Variants in PKHD1 observed in about 807,000 individuals in gnomAD.
The protein encoded by PKHD1 is fibrocystin.
A neutral mutation model predicts 412.0 loss-of-function variants in PKHD1; 291 were observed. That is an observed-to-expected ratio of 0.71 (90% CI 0.64 to 0.78). The LOEUF is 0.78. PKHD1 is among the 30% of genes least tolerant of loss of function. PKHD1 has a pLI of 0.00. For synonymous variants in PKHD1, 1,777 were observed against 1,821.5 expected, an observed-to-expected ratio of 0.98 and a Z score of 0.62; for missense variants, 4,825 against 4,950.7, an observed-to-expected ratio of 0.97 and a Z score of 0.76.
chr6:51,754,645 C>T (rs999109129), intron 56 of PKHD1, 139 bp downstream of exon 56: 79 of 726,472 alleles, frequency 1.1e-4, no homozygotes, highest in South Asian at 9.9e-4. Flanking sequence ...GATAAGGCCA[C>T]GTAGCATGAG....
At chr6:51,799,140 T>C (rs916223588) in intron 52 of PKHD1, among the ~76,000 whole-genome samples, 2 of 147,160 alleles carry the variant, frequency 1.4e-5, no homozygotes, top group Non-Finnish European at 3.0e-5. Context: ...TAACCCATAA[T>C]AGATGGTCAA....
At chr6:51,682,940 AT>A (rs1582059543) in intron 60 of PKHD1, among the ~76,000 whole-genome samples, 1 of 152,010 alleles carries the variant, frequency 6.6e-6, no homozygotes, top group Non-Finnish European at 1.5e-5. Flanking sequence ...CATAAAAGTT[AT>A]TTGTACTAAT....
chr6:51,662,693 C>T (rs6938460), intron 60 of PKHD1, among the ~76,000 whole-genome samples: 6,892 of 151,524 alleles, frequency 0.045, 211 homozygotes, highest in African/African-American at 0.074. Context: ...TTCCCTAGAC[C>T]GATCAAAATA....
At chr6:51,725,784 A>G (rs566854834) in intron 60 of PKHD1, among the ~76,000 whole-genome samples, 1 of 152,296 alleles carries the variant, frequency 6.6e-6, no homozygotes, top group Admixed American at 6.5e-5. Flanking sequence ...GCCATCACAA[A>G]CTAATATCTC....
At position 51,664,069 on chromosome 6, in the gene PKHD1, T is replaced by C. The variant is rs1398425326; in HGVS notation, c.10157-4100A>G. Among the ~76,000 whole-genome samples, 10 of 152,288 alleles carry C rather than the reference T, an allele frequency of 6.6e-5. No individual in the cohort carries two copies. In the South Asian group the frequency reaches 2.1e-3, roughly 32 times the overall value. ...AATAATAAAAAATGGCCTTTTAAAA[T>C]GTAATTAACATTTTTTTGGAGTAAT... On this transcript the variant is annotated intron_variant, in intron 60 of 66. Transcript: ENST00000371117.
At chr6:52,001,473 A>AGGCTGGAGTACAGT (rs1373957403) in intron 35 of PKHD1, among the ~76,000 whole-genome samples, 1 of 148,752 alleles carries the variant, frequency 6.7e-6, no homozygotes, top group Non-Finnish European at 1.5e-5. Context: ...TTTGTCACCC[A>AGGCTGGAGTACAGT]GGCTGGAGTA....
intron 37 of PKHD1, among the ~76,000 whole-genome samples, chr6:51,929,601 A>C (rs1317199364): frequency 6.6e-6 from 1 of 152,172 alleles, no homozygotes; most frequent in African/African-American, 2.4e-5. Flanking sequence ...ACCATGCTTA[A>C]AGACAGCCTG....
intron 41 of PKHD1, among the ~76,000 whole-genome samples, chr6:51,905,577 G>GA (rs1173626693): frequency 1.3e-5 from 2 of 151,688 alleles, no homozygotes; most frequent in East Asian, 1.9e-4. Flanking sequence ...TGGAGAAAGA[G>GA]AAAAAAAACA....
At chr6:52,014,508 G>A (rs1052927033) in intron 34 of PKHD1, among the ~76,000 whole-genome samples, 1 of 152,108 alleles carries the variant, frequency 6.6e-6, no homozygotes, top group Non-Finnish European at 1.5e-5. Flanking sequence ...ATCATGGATG[G>A]ATGGATGGAT....
Position 51,772,570 on chromosome 6 carries a change from T to G in PKHD1, c.8642+132A>C, listed in dbSNP as rs375567190. On this transcript the variant is annotated intron_variant, in intron 55 of 66. Coordinates refer to ENST00000371117, the MANE Select transcript of PKHD1 (RefSeq NM_138694.4). ...ATTTTTTAAATTCCCTATAATCGCT[T>G]ATTTTTCTACTTGCTCATCCTTTAA... The G allele has an allele frequency of 1.3e-5, 7 of 556,194 alleles. No homozygotes were observed. In the African/African-American group the frequency reaches 1.3e-4, roughly 10 times the overall value. The allele number at this position is 556,194 out of a possible 1,614,324, so 34.5% of individuals were successfully genotyped here.
At chr6:51,911,049 G>A (rs926203171) in intron 39 of PKHD1, among the ~76,000 whole-genome samples, 10 of 151,888 alleles carry the variant, frequency 6.6e-5, no homozygotes, top group Non-Finnish European at 1.2e-4. Context: ...TTAAACTCAC[G>A]ATTGCCACTC....
chr6:52,043,960 A>G (rs1805358064), intron 25 of PKHD1, among the ~76,000 whole-genome samples: 1 of 152,180 alleles, frequency 6.6e-6, no homozygotes. Flanking sequence ...CTGTAATTAA[A>G]TGTGATAAAT....
At chr6:52,078,394 G>A (rs1811607732) in intron 5 of PKHD1, among the ~76,000 whole-genome samples, 1 of 152,188 alleles carries the variant, frequency 6.6e-6, no homozygotes, top group Non-Finnish European at 1.5e-5. Context: ...CAGCAGATTA[G>A]GATGAGAAAG....
chr6:51,664,216 A>G (rs2150445072), intron 60 of PKHD1, among the ~76,000 whole-genome samples: 1 of 152,254 alleles, frequency 6.6e-6, no homozygotes, highest in African/African-American at 2.4e-5. Flanking sequence ...CACCCAAGCC[A>G]TTTCTGCCTC....
At chr6:51,818,812 G>T (rs1262825034) in intron 52 of PKHD1, among the ~76,000 whole-genome samples, 1 of 152,024 alleles carries the variant, frequency 6.6e-6, no homozygotes, top group African/African-American at 2.4e-5. Flanking sequence ...TGCAATGGCT[G>T]GTGCTCCAGC....
chr6:51,777,083 C>T (rs1423972460), intron 53 of PKHD1, among the ~76,000 whole-genome samples: 1 of 152,074 alleles, frequency 6.6e-6, no homozygotes, highest in Non-Finnish European at 1.5e-5. Flanking sequence ...ATAAAAACCA[C>T]CGGCTATCAA....
intron 55 of PKHD1, among the ~76,000 whole-genome samples, chr6:51,767,771 T>A (rs56363832): frequency 2.0e-5 from 3 of 151,962 alleles, no homozygotes; most frequent in Non-Finnish European, 2.9e-5. Context: ...GTGCCGCAAT[T>A]AACATATGTG....
chr6:51,794,047 C>CT lies in PKHD1; in HGVS notation c.8303-2675dup, dbSNP rs58801569. On this transcript the variant is annotated intron_variant, in intron 52 of 66. Coordinates refer to ENST00000371117, the MANE Select transcript of PKHD1 (RefSeq NM_138694.4). ...CTTACCAGCATCTGTTGCTTTTTGA[C>CT]TTTTTTTTTTTTTTTTTTTGAGATG... Among the ~76,000 whole-genome samples, 530 of 124,130 alleles carry CT rather than the reference C, an allele frequency of 4.3e-3. 3 individuals carry two copies. The highest frequency in any genetic ancestry group is 8.2e-3 in the African/African-American group (276 of 33,846). The allele number at this position is 124,130 out of a possible 152,430, so 81.4% of individuals were successfully genotyped here.
rs1554183164 is a variant in PKHD1 at position 51,659,201 on chromosome 6, A to G, written c.10925T>C (p.Met3642Thr). Residue 3642 changes from methionine to threonine, a missense_variant, in exon 61 of 67, where the codon ATG becomes ACG. Physicochemically the swap from Met to Thr is moderately conservative, Grantham distance 81. Coordinates refer to ENST00000371117, the MANE Select transcript of PKHD1 (RefSeq NM_138694.4). ...RRVGQRRPLM[M>T]EMNSHRASPP... ...TGAAGCCCTATGTGAGTTCATTTCC[A>G]TCATGAGAGGCCTACGTTGACCAAC... 1 of 1,613,832 alleles carries G rather than the reference A, an allele frequency of 6.2e-7. No individual in the cohort carries two copies. Among genetic ancestry groups the G allele is most frequent in the Non-Finnish European group, 8.5e-7 (1 of 1,179,870 alleles).
Sources: gnomAD v4.1 joint callset for allele counts (sites outside exome capture counted in the v4.1 genomes callset) on GRCh38, gnomAD v4.1.1 for gene constraint, MANE v1.5 for transcripts, NCBI Gene and HGNC (gene_info 2026-07-23, HGNC 2026-07-21) for gene names.